The following DNER variants were observed in gnomAD, a reference collection of about 807,000 sequenced individuals.
DNER encodes delta and Notch-like epidermal growth factor-related receptor.
Under a neutral mutation model 78.2 loss-of-function variants are expected in DNER, and 33 were observed. The ratio of observed to expected loss-of-function variants is 0.42; its 90% CI spans 0.32 to 0.56. DNER has a LOEUF of 0.56. Among genes scored for constraint, DNER ranks in the 20% least tolerant of loss-of-function variants. DNER has a pLI of 0.11. For synonymous variants in DNER, 417 were observed against 384.8 expected (o/e 1.08, Z -0.98); for missense variants, 918 against 975.3 (o/e 0.94, Z 0.78).
chr2:229,675,323 C>A (rs755046657), intron 1 of DNER, among the ~76,000 whole-genome samples: 2 of 152,166 alleles, frequency 1.3e-5, no homozygotes, highest in Non-Finnish European at 2.9e-5. Context: ...CCATCTCATG[C>A]CTCCTTCTCA....
intron 8 of DNER, among the ~76,000 whole-genome samples, chr2:229,429,389 C>A (rs1693956364): frequency 6.6e-6 from 1 of 152,132 alleles, no homozygotes; most frequent in African/African-American, 2.4e-5. Flanking sequence ...CTTGTGGCAA[C>A]AGAGGATACT....
At chr2:229,432,454 C>A (rs553098794) in intron 8 of DNER, among the ~76,000 whole-genome samples, 1 of 152,262 alleles carries the variant, frequency 6.6e-6, no homozygotes, top group East Asian at 1.9e-4. Flanking sequence ...ATTACTTTTA[C>A]ACAAGTATGC....
At chr2:229,697,384 G>A (rs1236970371) in intron 1 of DNER, among the ~76,000 whole-genome samples, 1 of 152,188 alleles carries the variant, frequency 6.6e-6, no homozygotes, top group Non-Finnish European at 1.5e-5. Flanking sequence ...TGGATACAGT[G>A]TTTCCTTTTG....
chr2:229,451,766 T>C (rs1369224986), intron 7 of DNER, among the ~76,000 whole-genome samples: 1 of 152,194 alleles, frequency 6.6e-6, no homozygotes, highest in Admixed American at 6.5e-5. Context: ...TTATGATGTG[T>C]AAGCAAAACC....
chr2:229,431,634 G>C (rs1694009017), intron 8 of DNER, among the ~76,000 whole-genome samples: 1 of 129,386 alleles, frequency 7.7e-6, no homozygotes, highest in African/African-American at 2.9e-5. Context: ...GGACTAAAAA[G>C]ATAAGTGTGG....
chr2:229,400,287 T>C (rs1218901155), intron 10 of DNER, among the ~76,000 whole-genome samples: 1 of 152,070 alleles, frequency 6.6e-6, no homozygotes, highest in East Asian at 1.9e-4. Context: ...TATTTATGGA[T>C]AAGCACATGT....
intron 1 of DNER, among the ~76,000 whole-genome samples, chr2:229,686,309 CGCTGTCACCACT>C (rs1292742580): frequency 6.6e-6 from 1 of 152,074 alleles, no homozygotes. Flanking sequence ...CCGTCACCAC[CGCTGTCACCACT>C]GCCACCCAGT....
chr2:229,370,193 G>T (rs1346468779), intron 11 of DNER, among the ~76,000 whole-genome samples: 2 of 152,160 alleles, frequency 1.3e-5, no homozygotes, highest in African/African-American at 4.8e-5. Context: ...AGCACAGATA[G>T]ACACCCAAAC....
intron 4 of DNER, among the ~76,000 whole-genome samples, chr2:229,551,765 C>T (rs1696741738): frequency 6.6e-6 from 1 of 151,990 alleles, no homozygotes; most frequent in Non-Finnish European, 1.5e-5. Context: ...AACCCCATCT[C>T]TACTAAAAGT....
rs1692120764 is a variant in DNER at position 229,357,749 on chromosome 2, AAT to A, written c.*789_*790del. On this transcript the variant is annotated 3_prime_UTR_variant, in exon 13 of 13. Transcript: ENST00000341772. ...AGATAAATAAAGCTGCACTATGAGA[AAT>A]ACTCACTACTGAAGGAACCAGTACT... 1 of 152,226 alleles carries A rather than the reference AAT, an allele frequency of 6.6e-6. No homozygotes were observed. 9.4% of individuals were successfully genotyped at this position (152,226 alleles called of 1,614,324 possible).
In DNER at chr2:229,358,297, C is replaced by T. The variant is rs927707441; in HGVS notation, c.*243G>A. The T allele has an allele frequency of 1.5e-5, 4 of 266,760 alleles. No homozygotes were observed. Among genetic ancestry groups the T allele is most frequent in the African/African-American group, 2.2e-5 (1 of 45,074 alleles). The allele number at this position is 266,760 out of a possible 1,614,324, so 16.5% of individuals were successfully genotyped here. On this transcript the variant is annotated 3_prime_UTR_variant, in exon 13 of 13. Coordinates refer to ENST00000341772, the MANE Select transcript of DNER (RefSeq NM_139072.4). ...GATAGTGTCTACAGTGAAAAGAGCA[C>T]ACACTAGTAGAAGCACACAGTTTAG...
In DNER at chr2:229,591,713, C is replaced by A. The variant is rs759503890; in HGVS notation, c.452G>T (p.Arg151Leu). The A allele has an allele frequency of 4.3e-6, 7 of 1,614,036 alleles. No individual in the cohort carries two copies. The African/African-American group carries it at 5.3e-5, about 12-fold the overall frequency. Residue 151 changes from arginine (R) to leucine (L), a missense_variant, in exon 2 of 13, where the codon CGA becomes CTA. Physicochemically the swap from Arg to Leu is moderately radical, Grantham distance 102. Coordinates refer to ENST00000341772, the MANE Select transcript of DNER (RefSeq NM_139072.4). The surrounding 1 kb of genome is among the most constrained non-coding windows in gnomAD (Gnocchi z 4.6). ...AGTAGCAGGAACAGGCTGAAGCTGT[C>A]GGGGTGCCATGGATTCGGTCCAGCC... is the stretch of plus-strand genomic sequence containing the variant. Reference protein sequence around the residue: ...ATGWTESMAPRQLQPVPATQE... With the variant: ...ATGWTESMAPLQLQPVPATQE...
chr2:229,554,281 G>C (rs1422443950), intron 4 of DNER, among the ~76,000 whole-genome samples: 1 of 152,232 alleles, frequency 6.6e-6, no homozygotes, highest in Non-Finnish European at 1.5e-5. Context: ...AATTCAGCCA[G>C]GCATGGTGGC....
intron 11 of DNER, among the ~76,000 whole-genome samples, chr2:229,378,146 C>T (rs190300245): frequency 2.6e-5 from 4 of 152,266 alleles, no homozygotes; most frequent in African/African-American, 9.6e-5. Flanking sequence ...CAAGGGGAGA[C>T]AAGTTCTCCC....
chr2:229,468,288 G>C (rs956638091), intron 7 of DNER, among the ~76,000 whole-genome samples: 1 of 152,178 alleles, frequency 6.6e-6, no homozygotes, highest in Non-Finnish European at 1.5e-5. Flanking sequence ...GCCTTTGCAG[G>C]ATTAACAAAT....
intron 7 of DNER, among the ~76,000 whole-genome samples, chr2:229,469,561 G>T (rs987153793): frequency 6.6e-6 from 1 of 152,170 alleles, no homozygotes; most frequent in South Asian, 2.1e-4. Context: ...GTTCAAGGTC[G>T]CCAGGGAGTA....
chr2:229,536,502 T>C (rs968805148), intron 5 of DNER, among the ~76,000 whole-genome samples: 2 of 152,184 alleles, frequency 1.3e-5, no homozygotes, highest in Admixed American at 6.5e-5. Context: ...AGCAGCCCCA[T>C]ATGGGTGCCC....
At chr2:229,431,314 T>G (rs1410988753) in intron 8 of DNER, among the ~76,000 whole-genome samples, 2 of 152,158 alleles carry the variant, frequency 1.3e-5, no homozygotes, top group South Asian at 2.1e-4. Context: ...CAGGAGAAAT[T>G]GGCAGTGAAC....
intron 7 of DNER, among the ~76,000 whole-genome samples, chr2:229,461,934 A>G (rs1694711838): frequency 6.6e-6 from 1 of 152,152 alleles, no homozygotes; most frequent in Admixed American, 6.5e-5. Context: ...CAGCCAAGAG[A>G]TTTCAAACAA....
Sources: allele counts gnomAD v4.1 joint callset (sites outside exome capture counted in the v4.1 genomes callset), GRCh38; gene constraint gnomAD v4.1.1; non-coding constraint Gnocchi (gnomAD v3.1); transcripts MANE v1.5; gene names NCBI Gene and HGNC (gene_info 2026-07-23, HGNC 2026-07-21).